Variants in HPS5 observed in about 807,000 individuals in gnomAD.
The protein encoded by HPS5 is BLOC-2 complex member HPS5.
HPS5 carries 83 observed loss-of-function variants against 128.0 expected under a neutral mutation model. The observed-to-expected ratio is 0.65, with a 90% CI of 0.54 to 0.78. HPS5 has a LOEUF of 0.78. Among genes scored for constraint, HPS5 ranks in the 30% least tolerant of loss-of-function variants. The pLI is 0.00. For synonymous variants in HPS5, 475 were observed against 470.2 expected (o/e 1.01, Z -0.13); for missense variants, 1,281 against 1,326.2 (o/e 0.97, Z 0.53).
chr11:18,307,756 A>C (rs1862535624), intron 6 of HPS5, among the ~76,000 whole-genome samples: 1 of 151,846 alleles, frequency 6.6e-6, no homozygotes, highest in Non-Finnish European at 1.5e-5. Flanking sequence ...AAACAAAAAA[A>C]ACCAAAAAAC....
intron 21 of HPS5, among the ~76,000 whole-genome samples, chr11:18,282,735 T>G (rs1859167907): frequency 6.6e-6 from 1 of 152,262 alleles, no homozygotes; most frequent in African/African-American, 2.4e-5. Flanking sequence ...TTATAAAGTA[T>G]GCTAAGCACT....
At chr11:18,304,770 T>G (rs557900646) in intron 8 of HPS5, among the ~76,000 whole-genome samples, 1 of 152,226 alleles carries the variant, frequency 6.6e-6, no homozygotes. Context: ...TAATTTTTTA[T>G]TGATGAAATA....
In HPS5 at chr11:18,279,686, T is replaced by G. The variant is rs1858614799; in HGVS notation, c.*196A>C. On this transcript the variant is annotated 3_prime_UTR_variant, in exon 23 of 23. Coordinates refer to ENST00000349215, the MANE Select transcript of HPS5 (RefSeq NM_181507.2). The stretch of plus-strand genomic sequence containing the variant: ...AAGAAATGCTGAGTACAACTTTGGT[T>G]AAGAAACACTGAGGTCATGGATAAA... 1 of 616,138 alleles carries G rather than the reference T, an allele frequency of 1.6e-6. No individual in the cohort carries two copies. The allele number at this position is 616,138 out of a possible 1,614,324, so 38.2% of individuals were successfully genotyped here.
chr11:18,292,392 T>C (rs1860521287), intron 15 of HPS5, among the ~76,000 whole-genome samples: 1 of 152,020 alleles, frequency 6.6e-6, no homozygotes. Flanking sequence ...TGGGGTTTCA[T>C]CATGTTGCCC....
intron 8 of HPS5, among the ~76,000 whole-genome samples, chr11:18,303,754 T>C (rs766771483): frequency 4.6e-5 from 7 of 151,698 alleles, no homozygotes; most frequent in African/African-American, 9.7e-5. Flanking sequence ...CTTGGAAGGC[T>C]GAGGCAGGAG....
chr11:18,314,500 T>C (rs980610265), intron 2 of HPS5: 2 of 151,924 alleles, frequency 1.3e-5, no homozygotes, highest in Non-Finnish European at 2.9e-5. Flanking sequence ...CTGTACTCCA[T>C]CCTGGGCAAC....
intron 1 of HPS5, among the ~76,000 whole-genome samples, chr11:18,319,660 G>A (rs756329101): frequency 2.0e-5 from 3 of 152,112 alleles, no homozygotes; most frequent in Non-Finnish European, 2.9e-5. Context: ...AGGAATTGAA[G>A]AATTGTGTGT....
chr11:18,313,867 T>C (rs1387823276), intron 2 of HPS5, among the ~76,000 whole-genome samples: 1 of 144,502 alleles, frequency 6.9e-6, no homozygotes, highest in Non-Finnish European at 1.5e-5. Context: ...TGAGCCAAGA[T>C]TGCGCCACTG....
chr11:18,289,015 C>T (rs1322237143), intron 16 of HPS5, among the ~76,000 whole-genome samples: 2 of 151,026 alleles, frequency 1.3e-5, no homozygotes, highest in African/African-American at 4.9e-5. Flanking sequence ...TGTGTAGAGA[C>T]GGGGTCTTGC....
rs1303444154 is a variant in HPS5, at chr11:18,287,674, C to T, written c.2578G>A (p.Gly860Arg). Residue 860 changes from glycine (G) to arginine (R), a missense_variant, in exon 18 of 23, where the codon GGG becomes AGG. Physicochemically the swap from Gly to Arg is moderately radical, Grantham distance 125. Transcript: ENST00000349215. The part of the protein sequence containing the change: ...VYATRLYEKF[G>R]ESALRSLIKF... ...ATTAAGGATCGAAGAGCAGACTCCCCAAACTTTTCATACAACCTGCATTTA... is the reference window on the plus strand; with the variant it reads ...ATTAAGGATCGAAGAGCAGACTCCCTAAACTTTTCATACAACCTGCATTTA... The T allele has an allele frequency of 6.2e-7, 1 of 1,614,136 alleles. No homozygotes were observed. The highest frequency in any genetic ancestry group is 8.5e-7 in the Non-Finnish European group (1 of 1,180,016).
chr11:18,301,338 C>A (rs572563361), intron 8 of HPS5, among the ~76,000 whole-genome samples: 1 of 151,886 alleles, frequency 6.6e-6, no homozygotes, highest in African/African-American at 2.4e-5. Context: ...CGCTTGTAAT[C>A]CCAGCTACTC....
rs578062318 is a variant in HPS5 at position 18,296,187 on chromosome 11, A to T, written c.1511-65T>A. 27 of 1,542,928 alleles carry T rather than the reference A, an allele frequency of 1.7e-5. No homozygotes were observed. The South Asian group carries it at 3.1e-4, about 18-fold the overall frequency. The stretch of plus-strand genomic sequence containing the variant: ...TCACGTGGGAGTTGTTTTAATCTTT[A>T]AAAAAATTCTGAAATGAATAAACCG... On this transcript the variant is annotated intron_variant, in intron 12 of 22. Transcript: ENST00000349215.
chr11:18,291,840 T>C lies in HPS5; in HGVS notation c.2042A>G (p.Lys681Arg), dbSNP rs1004221754. 4 of 1,610,356 alleles carry C rather than the reference T, an allele frequency of 2.5e-6. No homozygotes were observed. Among genetic ancestry groups the C allele is most frequent in the Non-Finnish European group, 2.5e-6 (3 of 1,178,342 alleles). ...QDVLLVNESK[K>R]GILDEDNEKE... ...TTCATTATCTTCATCTAATATTCCCTTTTTTGATTCATTAACTAATAGCAC... is the reference window on the plus strand; with the variant it reads ...TTCATTATCTTCATCTAATATTCCCCTTTTTGATTCATTAACTAATAGCAC... Residue 681 changes from lysine to arginine, a missense_variant, in exon 16 of 23, where the codon AAG becomes AGG. Transcript: ENST00000349215.
chr11:18,307,121 A>G (rs2134441174), intron 6 of HPS5, among the ~76,000 whole-genome samples: 1 of 152,360 alleles, frequency 6.6e-6, no homozygotes, highest in East Asian at 1.9e-4. Flanking sequence ...TAAACAGCAG[A>G]TCATGACTTT....
At chr11:18,309,683 C>G (rs1394561919) in intron 5 of HPS5, among the ~76,000 whole-genome samples, 2 of 152,162 alleles carry the variant, frequency 1.3e-5, no homozygotes, top group African/African-American at 4.8e-5. Flanking sequence ...GAAAAATATT[C>G]TGATGTGTTC....
intron 21 of HPS5, among the ~76,000 whole-genome samples, chr11:18,282,438 T>G (rs1032787875): frequency 6.6e-6 from 1 of 152,148 alleles, no homozygotes; most frequent in African/African-American, 2.4e-5. Flanking sequence ...TTTCTTTTTT[T>G]TTTTTAAAGA....
chr11:18,303,437 T>C (rs1286133705), intron 8 of HPS5, among the ~76,000 whole-genome samples: 1 of 152,176 alleles, frequency 6.6e-6, no homozygotes, highest in Non-Finnish European at 1.5e-5. Flanking sequence ...CAAAGTGGCG[T>C]TAATTGTTGC....
At chr11:18,310,675 T>C (rs1862869551) in intron 5 of HPS5, 66 bp downstream of exon 5, 3 of 1,259,178 alleles carry the variant, frequency 2.4e-6, no homozygotes, top group Admixed American at 2.0e-5. Flanking sequence ...CATCCTTTAA[T>C]TGGAAGTTTT....
intron 2 of HPS5, among the ~76,000 whole-genome samples, chr11:18,314,939 A>G (rs943480952): frequency 2.0e-5 from 3 of 152,166 alleles, no homozygotes; most frequent in Non-Finnish European, 4.4e-5. Context: ...AGCTCAACCA[A>G]TCCTCCCACT....
Sources: gnomAD v4.1 joint callset for allele counts (sites outside exome capture counted in the v4.1 genomes callset) on GRCh38, gnomAD v4.1.1 for gene constraint, MANE v1.5 for transcripts, NCBI Gene and HGNC (gene_info 2026-07-23, HGNC 2026-07-21) for gene names.